Variants in MEF2C observed in about 807,000 individuals in gnomAD.
MEF2C encodes the protein myocyte-specific enhancer factor 2C.
A neutral mutation model predicts 50.5 loss-of-function variants in MEF2C; 6 were observed. The ratio of observed to expected loss-of-function variants is 0.12; its 90% CI spans 0.07 to 0.23. MEF2C has a LOEUF of 0.23. Among genes scored for constraint, MEF2C ranks in the 10% least tolerant of loss-of-function variants. The pLI, the probability that MEF2C is intolerant of heterozygous loss-of-function variation, is 1.00. For missense variants in MEF2C, 276 were observed against 605.0 expected (o/e 0.46, Z 5.70); for synonymous variants, 183 against 228.0 (o/e 0.80, Z 1.78).
At chr5:88,844,882 T>C (rs1216236013) in intron 1 of MEF2C, among the ~76,000 whole-genome samples, 3 of 152,234 alleles carry the variant, frequency 2.0e-5, no homozygotes, top group Admixed American at 2.0e-4. Context: ...AAAAATGTGC[T>C]GCTAAAGGTT....
At chr5:88,799,596 G>T (rs1234046851) in intron 3 of MEF2C, among the ~76,000 whole-genome samples, 2 of 152,110 alleles carry the variant, frequency 1.3e-5, no homozygotes, top group Non-Finnish European at 2.9e-5. Context: ...CACTTAGCTC[G>T]TTGATAACTT....
intron 1 of MEF2C, chr5:88,838,638 C>T: frequency 1.0e-6 from 1 of 985,308 alleles, no homozygotes; most frequent in Non-Finnish European, 1.2e-6. Context: ...TGCTTTCCTT[C>T]AAAGTACCTT....
At chr5:88,781,094 C>A (rs543949346) in intron 3 of MEF2C, among the ~76,000 whole-genome samples, 4 of 151,832 alleles carry the variant, frequency 2.6e-5, no homozygotes, top group Non-Finnish European at 2.9e-5. Context: ...CTTTTTCTAC[C>A]CTTTCCCTAG....
intron 10 of MEF2C, among the ~76,000 whole-genome samples, chr5:88,723,652 C>A (rs1209119845): frequency 6.6e-6 from 1 of 152,234 alleles, no homozygotes. Flanking sequence ...TTTGCAGTTA[C>A]ATGAGATGAA....
chr5:88,789,702 T>G (rs1792822273), intron 3 of MEF2C, among the ~76,000 whole-genome samples: 1 of 152,162 alleles, frequency 6.6e-6, no homozygotes, highest in South Asian at 2.1e-4. Flanking sequence ...ATTTTTTTTC[T>G]TATTCATAAC....
intron 6 of MEF2C, chr5:88,743,598 A>G (rs1767915675): frequency 1.0e-6 from 1 of 981,812 alleles, no homozygotes; most frequent in Non-Finnish European, 1.2e-6. Flanking sequence ...GATTGTAAAA[A>G]TATTTGTTTC....
intron 3 of MEF2C, among the ~76,000 whole-genome samples, chr5:88,777,852 G>C (rs1041589528): frequency 4.0e-5 from 6 of 150,582 alleles, no homozygotes; most frequent in Admixed American, 4.0e-4. Context: ...ATGAAGTGTA[G>C]GTTGTTGAAG....
chr5:88,740,810 AT>A, intron 6 of MEF2C: 1 of 985,364 alleles, frequency 1.0e-6, no homozygotes, highest in Non-Finnish European at 1.2e-6. Flanking sequence ...TGAATGATAG[AT>A]TTATGACTCA....
intron 3 of MEF2C, chr5:88,766,905 G>A (rs977151062): frequency 4.8e-5 from 35 of 723,632 alleles, no homozygotes; most frequent in African/African-American, 1.7e-4. Flanking sequence ...TTTGCTTGTC[G>A]TTCACAGCTT....
chr5:88,822,118 G>A (rs1222545080), intron 2 of MEF2C, among the ~76,000 whole-genome samples: 1 of 151,758 alleles, frequency 6.6e-6, no homozygotes, highest in Non-Finnish European at 1.5e-5. Flanking sequence ...CATAATAAAA[G>A]CTCATGAATT....
At chr5:88,797,713 T>A (rs1443620592) in intron 3 of MEF2C, among the ~76,000 whole-genome samples, 1 of 152,044 alleles carries the variant, frequency 6.6e-6, no homozygotes, top group African/African-American at 2.4e-5. Flanking sequence ...ATTTTGCCCG[T>A]TAGTTGATGC....
Position 88,717,858 on chromosome 5 carries a change from CT to C in MEF2C, c.*4745del, listed in dbSNP as rs1162631574. ...TACTTCGAAGAAGAAAAAAGGAACT[CT>C]TTTGGAAACACTTTCTACAGATTTT... On this transcript the variant is annotated 3_prime_UTR_variant, in exon 11 of 11. Transcript: ENST00000504921. 1.3e-5 allele frequency: 2 copies of C among 152,172 alleles called. No homozygotes were observed. Among genetic ancestry groups the C allele is most frequent in the Non-Finnish European group, 2.9e-5 (2 of 68,030 alleles). 9.4% of individuals were successfully genotyped at this position (152,172 alleles called of 1,614,324 possible).
chr5:88,746,700 C>T (rs534601720), intron 6 of MEF2C: 326 of 985,126 alleles, frequency 3.3e-4, no homozygotes, highest in Admixed American at 7.4e-4. Flanking sequence ...GACATCAGCA[C>T]GGATATATTC....
chr5:88,739,164 A>T, intron 6 of MEF2C: 1 of 979,526 alleles, frequency 1.0e-6, no homozygotes, highest in Non-Finnish European at 1.2e-6. Context: ...TACCCGGGAA[A>T]TAACTTCTAA....
intron 1 of MEF2C, among the ~76,000 whole-genome samples, chr5:88,832,513 G>A (rs994598282): frequency 7.9e-5 from 12 of 152,046 alleles, no homozygotes; most frequent in Admixed American, 3.3e-4. Context: ...TCCTACAAGC[G>A]CAGGTAGCCT....
At chr5:88,856,793 A>C (rs1823576928) in intron 1 of MEF2C, among the ~76,000 whole-genome samples, 1 of 152,234 alleles carries the variant, frequency 6.6e-6, no homozygotes, top group South Asian at 2.1e-4. Context: ...ATTTCAGAGG[A>C]TGTGTAGAAA....
chr5:88,833,281 C>A (rs1282751918), intron 1 of MEF2C, among the ~76,000 whole-genome samples: 1 of 152,068 alleles, frequency 6.6e-6, no homozygotes, highest in Non-Finnish European at 1.5e-5. Context: ...AATAAATGTA[C>A]TAAAATTTTA....
intron 1 of MEF2C, among the ~76,000 whole-genome samples, chr5:88,855,366 G>T (rs1195581028): frequency 6.6e-6 from 1 of 152,052 alleles, no homozygotes; most frequent in Non-Finnish European, 1.5e-5. Context: ...ACAGTAATAA[G>T]ATGATATACT....
At chr5:88,748,257 GA>G (rs942398996) in intron 6 of MEF2C, 2 of 914,154 alleles carry the variant, frequency 2.2e-6, no homozygotes, top group African/African-American at 3.6e-5. Context: ...CAATAAACTT[GA>G]TTTTTTTTGA....
Sources: gnomAD v4.1 joint callset for allele counts (sites outside exome capture counted in the v4.1 genomes callset) on GRCh38, gnomAD v4.1.1 for gene constraint, MANE v1.5 for transcripts, NCBI Gene and HGNC (gene_info 2026-07-23, HGNC 2026-07-21) for gene names.